The following IRS1 variants were observed in gnomAD, a reference collection of about 807,000 sequenced individuals.
The protein encoded by IRS1 is insulin receptor substrate 1.
In IRS1, 34 loss-of-function variants were observed where a neutral mutation model predicts 65.6. The observed-to-expected ratio is 0.52, with a 90% CI of 0.39 to 0.69. The LOEUF is 0.69. Ranked by LOEUF, IRS1 falls within the 30% of genes least tolerant of loss-of-function variation. IRS1 has a pLI of 0.00. For missense variants in IRS1, 1,641 were observed against 1,720.2 expected, an observed-to-expected ratio of 0.95 and a Z score of 0.81; for synonymous variants, 699 against 683.5, an observed-to-expected ratio of 1.02 and a Z score of -0.35.
Position 226,797,843 on chromosome 2 carries a change from A to C in IRS1, c.896T>G (p.Leu299Arg). 1 of 1,597,972 alleles carries C rather than the reference A, an allele frequency of 6.3e-7. No homozygotes were observed. The highest frequency in any genetic ancestry group is 1.1e-5 in the South Asian group (1 of 89,524). Residue 299 changes from leucine (L) to arginine (R), a missense_variant, in exon 1 of 2, where the codon CTG becomes CGG. Coordinates refer to ENST00000305123, the MANE Select transcript of IRS1 (RefSeq NM_005544.3). The surrounding 1 kb of genome is among the most constrained non-coding windows in gnomAD (Gnocchi z 8.1). Reference sequence around the variant, plus strand: ...GCTCTCAGTGCGTGATCGGCGGGTCAGCCCCACCTGGCTGGGCGGGGGATT... The same window carrying C: ...GCTCTCAGTGCGTGATCGGCGGGTCCGCCCCACCTGGCTGGGCGGGGGATT... Reference protein sequence around the residue: ...LNNPPPSQVGLTRRSRTESIT... With the variant: ...LNNPPPSQVGRTRRSRTESIT...
At position 226,764,995 on chromosome 2, in the gene IRS1, A is replaced by G. The variant is rs553594291; in HGVS notation, c.*22-28745T>C. The stretch of plus-strand genomic sequence containing the variant: ...TTGTTAATTTTCCTCAAAGGCAAGA[A>G]AATCTACTTATACTTCTATTTCACT... On this transcript the variant is annotated intron_variant, in intron 1 of 1. Coordinates refer to ENST00000305123, the MANE Select transcript of IRS1 (RefSeq NM_005544.3). 5.9e-5 allele frequency among the ~76,000 whole-genome samples: 9 copies of G among 152,382 alleles called. No homozygotes were observed. In the East Asian group the frequency reaches 7.7e-4, roughly 13 times the overall value.
chr2:226,736,686 C>A (rs1938332188), intron 1 of IRS1, among the ~76,000 whole-genome samples: 1 of 152,194 alleles, frequency 6.6e-6, no homozygotes, highest in Non-Finnish European at 1.5e-5. Flanking sequence ...TGCAGAGCTT[C>A]ACATGACAAA....
chr2:226,785,240 T>C (rs1402002599), intron 1 of IRS1, among the ~76,000 whole-genome samples: 1 of 152,176 alleles, frequency 6.6e-6, no homozygotes, highest in African/African-American at 2.4e-5. Flanking sequence ...AATGCCTAAG[T>C]ACCATGAAAG....
At chr2:226,793,869 G>C (rs935541014) in intron 1 of IRS1, among the ~76,000 whole-genome samples, 1 of 152,154 alleles carries the variant, frequency 6.6e-6, no homozygotes, top group Non-Finnish European at 1.5e-5. Context: ...TCAACAGAAC[G>C]AAGGGCAGGC....
chr2:226,774,096 G>T (rs1028422782), intron 1 of IRS1, among the ~76,000 whole-genome samples: 12 of 152,090 alleles, frequency 7.9e-5, no homozygotes, highest in African/African-American at 2.9e-4. Flanking sequence ...GATTCCCACT[G>T]GACGTCCGGA....
chr2:226,769,079 T>C (rs1301887301), intron 1 of IRS1, among the ~76,000 whole-genome samples: 2 of 152,210 alleles, frequency 1.3e-5, no homozygotes, highest in East Asian at 3.8e-4. Flanking sequence ...ATTCAATATA[T>C]TGCAATATTG....
Position 226,731,674 on chromosome 2 carries a change from C to T in IRS1, c.*4598G>A, listed in dbSNP as rs1407774194. ...CAGATGAAGTAGCACCGGGGCAGCACCACCATCTTAAGATGATAAACCAAA... is the reference window on the plus strand; with the variant it reads ...CAGATGAAGTAGCACCGGGGCAGCATCACCATCTTAAGATGATAAACCAAA... On this transcript the variant is annotated 3_prime_UTR_variant, in exon 2 of 2. Transcript: ENST00000305123. The T allele has an allele frequency of 2.0e-5, 3 of 152,076 alleles. No homozygotes were observed. The highest frequency in any genetic ancestry group is 4.4e-5 in the Non-Finnish European group (3 of 68,020). 9.4% of individuals were successfully genotyped at this position (152,076 alleles called of 1,614,324 possible). A position where few individuals can be genotyped will look rare whatever the true frequency, so the allele number is the denominator to read the frequency against.
chr2:226,799,788 G>A lies in IRS1; in HGVS notation c.-1050C>T, dbSNP rs923087064. The A allele has an allele frequency of 4.0e-6, 4 of 992,940 alleles. No individual in the cohort carries two copies. In the African/African-American group the frequency reaches 5.2e-5, roughly 13 times the overall value. 61.5% of individuals were successfully genotyped at this position (992,940 alleles called of 1,614,324 possible). A position where few individuals can be genotyped will look rare whatever the true frequency, so the allele number is the denominator to read the frequency against. ...CACTCGGAGGAGAAAAACACGTGACGGAGCCTCCGCGCTCGGCAGCCGGGC... is the reference window on the plus strand; with the variant it reads ...CACTCGGAGGAGAAAAACACGTGACAGAGCCTCCGCGCTCGGCAGCCGGGC... On this transcript the variant is annotated 5_prime_UTR_variant, in exon 1 of 2. Coordinates refer to ENST00000305123, the MANE Select transcript of IRS1 (RefSeq NM_005544.3). This position sits in a 1 kb window ranked among gnomAD's most constrained non-coding sequence, Gnocchi z 6.1.
Position 226,744,466 on chromosome 2 carries a change from A to G in IRS1, c.*22-8216T>C, listed in dbSNP as rs1358114244. On this transcript the variant is annotated intron_variant, in intron 1 of 1. Coordinates refer to ENST00000305123, the MANE Select transcript of IRS1 (RefSeq NM_005544.3). ...TCAACCTCAGTAGAAGATTTTCCCT[A>G]CAACATACATCTAAGGCAGGGGTCC... is the stretch of plus-strand genomic sequence containing the variant. 2.0e-5 allele frequency among the ~76,000 whole-genome samples: 3 copies of G among 152,298 alleles called. No individual in the cohort carries two copies. In the East Asian group the frequency reaches 5.8e-4, roughly 29 times the overall value.
chr2:226,789,601 A>G (rs1420200683), intron 1 of IRS1, among the ~76,000 whole-genome samples: 1 of 152,214 alleles, frequency 6.6e-6, no homozygotes, highest in Non-Finnish European at 1.5e-5. Context: ...AATGAGACAC[A>G]TTATCCACAA....
chr2:226,748,420 C>T (rs1292550026), intron 1 of IRS1, among the ~76,000 whole-genome samples: 1 of 130,706 alleles, frequency 7.7e-6, no homozygotes, highest in East Asian at 2.3e-4. Context: ...CAGAGCGAGA[C>T]TCTGTCTCAA....
chr2:226,796,982 C>T lies in IRS1; in HGVS notation c.1757G>A (p.Gly586Asp), dbSNP rs750561476. 6.3e-6 allele frequency: 10 copies of T among 1,585,458 alleles called. No homozygotes were observed. The Admixed American group carries it at 1.5e-4, about 24-fold the overall frequency. The change falls in exon 1 of 2, where the codon GGT (glycine) becomes GAT (aspartate). Residue 586 changes from glycine (G) to aspartate (D), a missense_variant. Gly to Asp is a moderately conservative substitution (Grantham distance 94, BLOSUM62 -1). Around this residue, in one of 3 missense-constraint regions of IRS1, gnomAD observed 1,324 missense variants for 1,361.0 expected, o/e 0.97. Transcript: ENST00000305123. ...ACGCTCCAAGGGGTGCATTTCCAGA[C>T]CCTCCTCTGGGTAGGAGCGGGTGGG... ...FVPTRSYPEE[G>D]LEMHPLERRG...
Position 226,795,869 on chromosome 2 carries a change from C to T in IRS1, c.2870G>A (p.Ser957Asn). ...CAGTCTGCCCATCTCGACCCCAGTGCTCTCCTGCCAGGCTGCCCTCCGGCC... is the reference window on the plus strand; with the variant it reads ...CAGTCTGCCCATCTCGACCCCAGTGTTCTCCTGCCAGGCTGCCCTCCGGCC... ...GPGRRAAWQE[S>N]TGVEMGRLGP... The change falls in exon 1 of 2, where the codon AGC (serine) becomes AAC (asparagine). Residue 957 changes from serine to asparagine, a missense_variant. Ser to Asn is a conservative substitution (Grantham distance 46, BLOSUM62 1). Transcript: ENST00000305123. 6.2e-7 allele frequency: 1 copy of T among 1,613,696 alleles called. No homozygotes were observed.
rs1475076599 is a variant in IRS1 at position 226,731,826 on chromosome 2, G to A, written c.*4446C>T. 1.3e-5 allele frequency: 2 copies of A among 151,892 alleles called. No individual in the cohort carries two copies. Among genetic ancestry groups the A allele is most frequent in the East Asian group, 3.9e-4 (2 of 5,180 alleles). 9.4% of individuals were successfully genotyped at this position (151,892 alleles called of 1,614,324 possible). On this transcript the variant is annotated 3_prime_UTR_variant, in exon 2 of 2. Coordinates refer to ENST00000305123, the MANE Select transcript of IRS1 (RefSeq NM_005544.3). ...ACTACATTCTTAAGCCAATGGTGAA[G>A]TTCTAAAAAGAAAAAGAAAAAAAAA...
chr2:226,757,192 T>C (rs371245296), intron 1 of IRS1, among the ~76,000 whole-genome samples: 44 of 152,164 alleles, frequency 2.9e-4, no homozygotes, highest in Admixed American at 5.9e-4. Flanking sequence ...GTACCTATAA[T>C]ACACTAAGCA....
intron 1 of IRS1, among the ~76,000 whole-genome samples, chr2:226,766,915 G>A (rs2106169842): frequency 6.6e-6 from 1 of 151,222 alleles, no homozygotes; most frequent in Non-Finnish European, 1.5e-5. Context: ...CTCAAAACAA[G>A]AATGATCACA....
chr2:226,763,248 T>C (rs1011719417), intron 1 of IRS1, among the ~76,000 whole-genome samples: 9 of 152,182 alleles, frequency 5.9e-5, no homozygotes, highest in African/African-American at 2.2e-4. Flanking sequence ...TCCCATACCA[T>C]CCTATTTTTG....
At chr2:226,737,828 G>A (rs1938358347) in intron 1 of IRS1, among the ~76,000 whole-genome samples, 1 of 152,146 alleles carries the variant, frequency 6.6e-6, no homozygotes. Context: ...TGTTGCTTTG[G>A]TGTTGCAGTC....
chr2:226,792,971 A>C (rs909393332), intron 1 of IRS1, among the ~76,000 whole-genome samples: 12 of 152,234 alleles, frequency 7.9e-5, no homozygotes, highest in African/African-American at 2.9e-4. Context: ...TTTTCCTGGC[A>C]CTGTGCAAAG....
Sources: allele counts gnomAD v4.1 joint callset (sites outside exome capture counted in the v4.1 genomes callset), GRCh38; gene constraint gnomAD v4.1.1; regional missense constraint gnomAD v4.1.1; non-coding constraint Gnocchi (gnomAD v3.1); transcripts MANE v1.5; gene names NCBI Gene and HGNC (gene_info 2026-07-23, HGNC 2026-07-21).